Variants in DKK2 observed in about 807,000 individuals in gnomAD.
The protein encoded by DKK2 is dickkopf Wnt signaling pathway inhibitor 2.
DKK2 carries 11 observed loss-of-function variants against 28.1 expected under a neutral mutation model. The observed-to-expected ratio is 0.39, with a 90% CI of 0.25 to 0.65. The LOEUF is 0.65. Ranked by LOEUF, DKK2 falls within the 30% of genes least tolerant of loss-of-function variation. DKK2 has a pLI of 0.47. For synonymous variants in DKK2, 135 were observed against 126.5 expected (o/e 1.07, Z -0.45); for missense variants, 326 against 335.5 (o/e 0.97, Z 0.22).
intron 1 of DKK2, among the ~76,000 whole-genome samples, chr4:106,967,213 A>G (rs574870872): frequency 5.3e-5 from 8 of 152,238 alleles, no homozygotes; most frequent in African/African-American, 1.9e-4. Flanking sequence ...TAGGGAGCTT[A>G]CTATTTTGTG....
At chr4:107,021,535 C>T (rs1276027709) in intron 1 of DKK2, among the ~76,000 whole-genome samples, 5 of 151,996 alleles carry the variant, frequency 3.3e-5, no homozygotes, top group Non-Finnish European at 4.4e-5. Context: ...TTTTCTGTTG[C>T]TCTGCCCTAC....
chr4:106,928,631 A>G (rs1428419369), intron 1 of DKK2, among the ~76,000 whole-genome samples: 1 of 152,154 alleles, frequency 6.6e-6, no homozygotes, highest in Non-Finnish European at 1.5e-5. Flanking sequence ...ATTTGGGGGC[A>G]TGCCTTGCCC....
chr4:106,946,951 C>T (rs1254292763), intron 1 of DKK2, among the ~76,000 whole-genome samples: 1 of 152,020 alleles, frequency 6.6e-6, no homozygotes, highest in African/African-American at 2.4e-5. Flanking sequence ...TTACCAAAGG[C>T]CTACTAATGT....
In DKK2 at chr4:107,035,500, G is replaced by C. The variant is rs1345003805; in HGVS notation, c.92C>G (p.Ser31Trp). 6.2e-7 allele frequency: 1 copy of C among 1,614,182 alleles called. No individual in the cohort carries two copies. Residue 31 changes from serine to tryptophan, a missense_variant, in exon 1 of 4, where the codon TCG (serine) becomes TGG (tryptophan). Physicochemically the swap from Ser to Trp is radical, Grantham distance 177. Transcript: ENST00000285311. ...CTTGATGGAGTTGAGTTTGGCCCGC[G>C]AACTGCCGATCTGTGAGCTCTCCAC... The part of the protein sequence containing the change: ...LMVESSQIGS[S>W]RAKLNSIKSS...
intron 1 of DKK2, among the ~76,000 whole-genome samples, chr4:106,955,340 A>T (rs1722574061): frequency 6.6e-6 from 1 of 152,168 alleles, no homozygotes; most frequent in Admixed American, 6.5e-5. Context: ...TACAGCTAAC[A>T]ATTTCTGAAA....
intron 1 of DKK2, among the ~76,000 whole-genome samples, chr4:106,942,276 A>C (rs778878131): frequency 2.1e-4 from 32 of 152,154 alleles, no homozygotes; most frequent in African/African-American, 7.5e-4. Flanking sequence ...ATCCCAGTAC[A>C]TCTGCTTTGG....
intron 1 of DKK2, among the ~76,000 whole-genome samples, chr4:107,004,624 T>C (rs1723410128): frequency 1.3e-5 from 2 of 152,200 alleles, no homozygotes; most frequent in Non-Finnish European, 2.9e-5. Flanking sequence ...CATGTTATGG[T>C]AGGCAGAATA....
chr4:106,957,616 A>C (rs942162279), intron 1 of DKK2, among the ~76,000 whole-genome samples: 10 of 151,596 alleles, frequency 6.6e-5, no homozygotes, highest in African/African-American at 2.4e-4. Context: ...ACATGGATGA[A>C]ATTGGAAATC....
intron 2 of DKK2, among the ~76,000 whole-genome samples, 196 bp from the exon 3 acceptor site, chr4:106,924,896 A>AT (rs1047973276): frequency 2.0e-5 from 3 of 152,118 alleles, no homozygotes; most frequent in African/African-American, 7.2e-5. Context: ...TTTAATATGA[A>AT]TTTTGTCTCT....
intron 1 of DKK2, among the ~76,000 whole-genome samples, chr4:106,979,858 A>G (rs17618172): frequency 0.2 from 30,499 of 152,254 alleles, 3,359 homozygotes; most frequent in East Asian, 0.42. Context: ...TTGTTTGCTC[A>G]GCCATGACAT....
intron 1 of DKK2, among the ~76,000 whole-genome samples, chr4:106,926,382 G>T (rs1724426925): frequency 6.6e-6 from 1 of 152,114 alleles, no homozygotes; most frequent in Non-Finnish European, 1.5e-5. Context: ...ACAACAAAGG[G>T]CTATGCTAGA....
At chr4:106,927,056 T>C (rs1398610191) in intron 1 of DKK2, among the ~76,000 whole-genome samples, 1 of 152,148 alleles carries the variant, frequency 6.6e-6, no homozygotes, top group East Asian at 1.9e-4. Flanking sequence ...TAATAGATGA[T>C]TTTTTAATTG....
At chr4:106,988,318 TTTTCAG>T (rs1183509562) in intron 1 of DKK2, among the ~76,000 whole-genome samples, 6 of 152,194 alleles carry the variant, frequency 3.9e-5, no homozygotes, top group African/African-American at 1.4e-4. Context: ...TGACTCCTTG[TTTTCAG>T]TTTCAAAGTC....
chr4:107,032,527 A>G (rs1015088197), intron 1 of DKK2, among the ~76,000 whole-genome samples: 3 of 152,244 alleles, frequency 2.0e-5, no homozygotes, highest in African/African-American at 7.2e-5. Flanking sequence ...AAATTTATTC[A>G]AGAATTTCTT....
In DKK2 at chr4:106,923,905, T is replaced by TAA. The variant is rs769259187; in HGVS notation, c.*47_*48dup. On this transcript the variant is annotated 3_prime_UTR_variant, in exon 4 of 4. Transcript: ENST00000285311. ...TATTTTCCACCATGCTATAATGCAT[T>TAA]AAATACACAACTTCACAGTCTGCAA... The TAA allele has an allele frequency of 6.2e-7, 1 of 1,602,132 alleles. No individual in the cohort carries two copies. Among genetic ancestry groups the TAA allele is most frequent in the Non-Finnish European group, 8.5e-7 (1 of 1,170,984 alleles).
At chr4:107,023,229 G>A (rs1198044129) in intron 1 of DKK2, among the ~76,000 whole-genome samples, 1 of 151,986 alleles carries the variant, frequency 6.6e-6, no homozygotes, top group Non-Finnish European at 1.5e-5. Context: ...CTCACATATT[G>A]AGTAAACCGG....
intron 1 of DKK2, among the ~76,000 whole-genome samples, chr4:106,968,707 T>G (rs925659533): frequency 6.6e-6 from 1 of 152,164 alleles, no homozygotes; most frequent in African/African-American, 2.4e-5. Context: ...AATTGAGTCT[T>G]CATTTTCCAT....
chr4:106,958,215 T>TAAA (rs543549109), intron 1 of DKK2, among the ~76,000 whole-genome samples: 1 of 150,932 alleles, frequency 6.6e-6, no homozygotes, highest in Non-Finnish European at 1.5e-5. Flanking sequence ...TTATTAATAA[T>TAAA]AAAAAAAAGC....
At chr4:106,943,819 T>C (rs1168891335) in intron 1 of DKK2, among the ~76,000 whole-genome samples, 1 of 152,132 alleles carries the variant, frequency 6.6e-6, no homozygotes, top group African/African-American at 2.4e-5. Context: ...CCCCAATAGC[T>C]ATTCAGAGCA....
Sources: allele counts gnomAD v4.1 joint callset (sites outside exome capture counted in the v4.1 genomes callset), GRCh38; gene constraint gnomAD v4.1.1; transcripts MANE v1.5; gene names NCBI Gene and HGNC (gene_info 2026-07-23, HGNC 2026-07-21).